The following ATG7 variants were observed in gnomAD, a reference collection of about 807,000 sequenced individuals.
ATG7 encodes ubiquitin-like modifier-activating enzyme ATG7.
Under a neutral mutation model 82.4 loss-of-function variants are expected in ATG7, and 70 were observed. The ratio of observed to expected loss-of-function variants is 0.85; its 90% CI spans 0.70 to 1.04. The LOEUF (loss-of-function observed/expected upper bound fraction) is 1.04. ATG7 is among the 50% of genes least tolerant of loss of function. The pLI, the probability that ATG7 is intolerant of heterozygous loss-of-function variation, is 0.00. For missense variants in ATG7, 792 were observed against 864.3 expected, an observed-to-expected ratio of 0.92 and a Z score of 1.05; for synonymous variants, 287 against 313.0, an observed-to-expected ratio of 0.92 and a Z score of 0.88.
At position 11,477,318 on chromosome 3, in the gene ATG7, T is replaced by C. The variant is rs947979243; in HGVS notation, c.2079+50392T>C. On this transcript the variant is annotated intron_variant, in intron 20 of 20. Transcript: ENST00000693202. ...AAAATGTAAATAAGAATTTTTGTGCTACAAACTCCTGAATCGATAAATACG... is the reference window on the plus strand; with the variant it reads ...AAAATGTAAATAAGAATTTTTGTGCCACAAACTCCTGAATCGATAAATACG... The C allele has an allele frequency of 2.5e-6, 3 of 1,187,366 alleles. No individual in the cohort carries two copies. In the East Asian group the frequency reaches 1.8e-4, roughly 71 times the overall value. 73.6% of individuals were successfully genotyped at this position (1,187,366 alleles called of 1,614,324 possible).
At chr3:11,404,482 A>C (rs2152901784) in intron 19 of ATG7, among the ~76,000 whole-genome samples, 1 of 151,798 alleles carries the variant, frequency 6.6e-6, no homozygotes, top group Admixed American at 6.6e-5. Flanking sequence ...CCAAGCCATT[A>C]ATACCTCTGC....
intron 13 of ATG7, among the ~76,000 whole-genome samples, chr3:11,342,830 A>G (rs1478180276): frequency 2.6e-5 from 4 of 151,354 alleles, no homozygotes; most frequent in African/African-American, 4.9e-5. Context: ...TTATATATCC[A>G]TAGGATTTTT....
intron 20 of ATG7, among the ~76,000 whole-genome samples, chr3:11,478,885 G>A (rs1432013399): frequency 6.6e-6 from 1 of 151,958 alleles, no homozygotes; most frequent in Non-Finnish European, 1.5e-5. Flanking sequence ...AAGTATTTAT[G>A]TATATAATTG....
rs188328393 is a variant in ATG7, at chr3:11,368,544, C to G, written c.1875+3810C>G. The stretch of plus-strand genomic sequence containing the variant: ...CAGTGGCTCACCCCTGTAATCCCAG[C>G]ACTTTGGGAGGCTGAGGTGGGAGAA... On this transcript the variant is annotated intron_variant, in intron 18 of 20. Coordinates refer to ENST00000693202, the MANE Select transcript of ATG7 (RefSeq NM_001349232.2). 1.1e-3 allele frequency among the ~76,000 whole-genome samples: 175 copies of G among 152,192 alleles called. 1 individual carries two copies. Among genetic ancestry groups the G allele is most frequent in the Non-Finnish European group, 1.6e-3 (107 of 68,008 alleles).
rs139420963 is a variant in ATG7, at chr3:11,405,704, T to C, written c.1957-21100T>C. Among the ~76,000 whole-genome samples, 735 of 152,232 alleles carry C rather than the reference T, an allele frequency of 4.8e-3. 6 individuals carry two copies. Among genetic ancestry groups the C allele is most frequent in the African/African-American group, 0.017 (704 of 41,540 alleles). ...GTGCAGTGTTGTGATCATGGCTCAG[T>C]GCAGCCTCAACTTCCCAGGCTCAGG... On this transcript the variant is annotated intron_variant, in intron 19 of 20. Coordinates refer to ENST00000693202, the MANE Select transcript of ATG7 (RefSeq NM_001349232.2).
intron 19 of ATG7, among the ~76,000 whole-genome samples, chr3:11,391,966 G>GT (rs1553640475): frequency 2.9e-5 from 4 of 138,478 alleles, no homozygotes; most frequent in Admixed American, 7.1e-5. Context: ...ATTGGGGGGG[G>GT]GGTAATTTCA....
chr3:11,567,082 G>A, the ATG7 span, among the ~76,000 whole-genome samples: 2 of 152,078 alleles, frequency 1.3e-5, no homozygotes, highest in Non-Finnish European at 2.9e-5. Flanking sequence ...ACCAGAGGGG[G>A]CCTGAGTGCA....
chr3:11,479,134 GT>G (rs756815881), intron 20 of ATG7, among the ~76,000 whole-genome samples: 1 of 151,914 alleles, frequency 6.6e-6, no homozygotes, highest in South Asian at 2.1e-4. Context: ...TTTGCCAGTA[GT>G]TTAGTTCATA....
At position 11,545,379 on chromosome 3, in the gene ATG7, T is replaced by C. The variant is rs150697108; in HGVS notation, c.2080-9432T>C. 4.7e-3 allele frequency among the ~76,000 whole-genome samples: 711 copies of C among 152,318 alleles called. 3 individuals are homozygous for C. Among genetic ancestry groups the C allele is most frequent in the African/African-American group, 0.016 (672 of 41,564 alleles). On this transcript the variant is annotated intron_variant, in intron 20 of 20. Transcript: ENST00000693202. ...GAAGAACCACGGTGACGGATACCTGTGGGGACAACAGATCCTTCTCTTGTG... is the reference window on the plus strand; with the variant it reads ...GAAGAACCACGGTGACGGATACCTGCGGGGACAACAGATCCTTCTCTTGTG...
chr3:11,461,141 A>ATGG (rs2086261827), intron 20 of ATG7, among the ~76,000 whole-genome samples: 1 of 152,216 alleles, frequency 6.6e-6, no homozygotes, highest in South Asian at 2.1e-4. Flanking sequence ...TGTGGAAGCC[A>ATGG]TGGATATAGG....
intron 10 of ATG7, 158 bp from the exon 11 acceptor site, chr3:11,332,814 C>A: frequency 1.5e-6 from 1 of 681,194 alleles, no homozygotes; most frequent in Non-Finnish European, 2.1e-6. Flanking sequence ...TGAATATGTT[C>A]AAAAGAGTTA....
At position 11,372,207 on chromosome 3, in the gene ATG7, G is replaced by A. The variant is rs556611556; in HGVS notation, c.1875+7473G>A. 1.8e-4 allele frequency among the ~76,000 whole-genome samples: 27 copies of A among 151,272 alleles called. 2 individuals carry two copies. Among genetic ancestry groups the A allele is most frequent in the African/African-American group, 6.3e-4 (26 of 41,076 alleles). ...GTGGGACTGGAGCCAAGAAACCACA[G>A]GTAATTGGGATTCTTCTAGGCTCTG... On this transcript the variant is annotated intron_variant, in intron 18 of 20. Coordinates refer to ENST00000693202, the MANE Select transcript of ATG7 (RefSeq NM_001349232.2).
Position 11,379,995 on chromosome 3 carries a change from T to G in ATG7, c.1899T>G (p.Phe633Leu). 4 of 1,614,192 alleles carry G rather than the reference T, an allele frequency of 2.5e-6. No individual in the cohort carries two copies. The highest frequency in any genetic ancestry group is 3.4e-6 in the Non-Finnish European group (4 of 1,180,024). ...AGATCCGGGGATTTCTTTCACGGTT[T>G]GATAATGTCCTTCCCGTCAGCCTGG... Reference protein sequence around the residue: ...PHQIRGFLSRFDNVLPVSLAF... With the variant: ...PHQIRGFLSRLDNVLPVSLAF... Residue 633 changes from phenylalanine (F) to leucine (L), a missense_variant, in exon 19 of 21, where the codon TTT becomes TTG. By Grantham distance (22) the Phe-to-Leu change is conservative. Transcript: ENST00000693202.
At position 11,342,203 on chromosome 3, in the gene ATG7, T is replaced by C. The variant is rs775684872; in HGVS notation, c.1049T>C (p.Leu350Ser). 6.2e-7 allele frequency: 1 copy of C among 1,613,664 alleles called. No homozygotes were observed. The highest frequency in any genetic ancestry group is 1.7e-4 in the Middle Eastern group (1 of 5,750). The change falls in exon 13 of 21, where the codon TTG (leucine) becomes TCG (serine). Residue 350 changes from leucine to serine, a missense_variant. Physicochemically the swap from Leu to Ser is moderately radical, Grantham distance 145 (BLOSUM62 -2). Transcript: ENST00000693202. ...TGGAGATTGGTTCCTACTTTAGACT[T>C]GGACAAGGTTGTGTCTGTCAAATGT... is the stretch of plus-strand genomic sequence containing the variant. ...MCWRLVPTLD[L>S]DKVVSVKCLL... is the part of the protein sequence containing the mutation.
At chr3:11,451,582 A>G (rs1416393582) in intron 20 of ATG7, among the ~76,000 whole-genome samples, 3 of 152,166 alleles carry the variant, frequency 2.0e-5, no homozygotes, top group African/African-American at 7.2e-5. Flanking sequence ...TATCACTGGT[A>G]TAAAGGGCCT....
At chr3:11,343,628 A>G (rs1454866863) in intron 13 of ATG7, among the ~76,000 whole-genome samples, 1 of 151,936 alleles carries the variant, frequency 6.6e-6, no homozygotes, top group Non-Finnish European at 1.5e-5. Flanking sequence ...TCTTGTTTTT[A>G]TGTTAGAGCT....
chr3:11,491,837 T>C (rs543837779), intron 20 of ATG7, among the ~76,000 whole-genome samples: 162 of 152,302 alleles, frequency 1.1e-3, no homozygotes, highest in Non-Finnish European at 1.2e-3. Context: ...CTGGAAGTTT[T>C]GTCTCAGAGG....
At chr3:11,518,558 G>GAA (rs940781539) in intron 20 of ATG7, among the ~76,000 whole-genome samples, 1 of 144,884 alleles carries the variant, frequency 6.9e-6, no homozygotes, top group African/African-American at 2.5e-5. Context: ...AAAAAAAAAA[G>GAA]AAAAAAAAAA....
chr3:11,477,181 A>G (rs976045347), intron 20 of ATG7: 1 of 1,289,558 alleles, frequency 7.8e-7, no homozygotes, highest in Admixed American at 2.3e-5. Context: ...GGCAGAACAT[A>G]AACAAATGGA....
Sources: gnomAD v4.1 joint callset for allele counts (sites outside exome capture counted in the v4.1 genomes callset) on GRCh38, gnomAD v4.1.1 for gene constraint, MANE v1.5 for transcripts, NCBI Gene and HGNC (gene_info 2026-07-23, HGNC 2026-07-21) for gene names.